The following PLXDC1 variants were observed in gnomAD, a reference collection of about 807,000 sequenced individuals.
PLXDC1 encodes plexin domain-containing protein 1.
PLXDC1 carries 39 observed loss-of-function variants against 61.3 expected under a neutral mutation model. The observed-to-expected ratio is 0.64, with a 90% CI of 0.49 to 0.83. The LOEUF (loss-of-function observed/expected upper bound fraction) is 0.83, where lower values mean the gene tolerates loss of function less well. Ranked by LOEUF, PLXDC1 falls within the 40% of genes least tolerant of loss-of-function variation. The probability of loss-of-function intolerance (pLI) is 0.00; values close to 1 mark genes in which losing one functional copy is unlikely to be tolerated. For missense variants in PLXDC1, 596 were observed against 666.5 expected (o/e 0.89, Z 1.17); for synonymous variants, 212 against 254.5 (o/e 0.83, Z 1.59).
chr17:39,076,508 CAAA>C (rs34943653), intron 11 of PLXDC1, among the ~76,000 whole-genome samples: 6 of 85,096 alleles, frequency 7.1e-5, no homozygotes, highest in Admixed American at 2.7e-4. Flanking sequence ...GACCCTGTCT[CAAA>C]AAAAAAAAAA....
intron 7 of PLXDC1, among the ~76,000 whole-genome samples, chr17:39,095,042 A>G (rs1046224763): frequency 6.6e-6 from 1 of 152,198 alleles, no homozygotes; most frequent in African/African-American, 2.4e-5. Flanking sequence ...GGATAGAGAC[A>G]CAAGTGGCAG....
At chr17:39,087,521 C>T (rs1230801931) in intron 8 of PLXDC1, 86 bp downstream of exon 8, 2 of 1,050,820 alleles carry the variant, frequency 1.9e-6, no homozygotes, top group Non-Finnish European at 2.9e-6. Context: ...CTGCACAAAA[C>T]AGGAGTCAGT....
intron 10 of PLXDC1, among the ~76,000 whole-genome samples, chr17:39,078,792 G>C (rs1206741967): frequency 6.6e-6 from 1 of 152,202 alleles, no homozygotes. Flanking sequence ...CAGTCTCCCA[G>C]AGGAGCCAGC....
chr17:39,136,967 T>C (rs1911774251), intron 2 of PLXDC1, among the ~76,000 whole-genome samples: 1 of 152,094 alleles, frequency 6.6e-6, no homozygotes. Flanking sequence ...TGAGGAATTG[T>C]AGAAAGGAGA....
chr17:39,114,830 C>T (rs969557225), intron 2 of PLXDC1, among the ~76,000 whole-genome samples: 2 of 152,172 alleles, frequency 1.3e-5, no homozygotes, highest in African/African-American at 2.4e-5. Context: ...CTTTGAGGCT[C>T]GGAGAAAGGT....
chr17:39,112,457 CTTTTTT>C (rs11448360), intron 2 of PLXDC1, among the ~76,000 whole-genome samples: 2 of 121,112 alleles, frequency 1.7e-5, no homozygotes, highest in South Asian at 5.2e-4. Flanking sequence ...TTTTTTCTTT[CTTTTTT>C]TTTTTTTTTT....
At chr17:39,142,565 G>A (rs1476825077) in intron 1 of PLXDC1, among the ~76,000 whole-genome samples, 1 of 152,212 alleles carries the variant, frequency 6.6e-6, no homozygotes, top group Non-Finnish European at 1.5e-5. Context: ...CTAGCATGCA[G>A]GCTGGAGTGC....
intron 2 of PLXDC1, among the ~76,000 whole-genome samples, chr17:39,122,378 CAAAAAAAAAAAAAAAAAA>C (rs71141762): frequency 2.7e-5 from 1 of 36,522 alleles, no homozygotes; most frequent in African/African-American, 1.1e-4. Flanking sequence ...GACTCTGTCT[CAAAAAAAAAAAAAAAAAA>C]AAAAAAAAGA....
chr17:39,128,151 GTGTATA>G (rs796779555), intron 2 of PLXDC1, among the ~76,000 whole-genome samples: 794 of 27,428 alleles, frequency 0.029, 70 homozygotes, highest in African/African-American at 0.12. Flanking sequence ...ATATATATGT[GTGTATA>G]TATATGTATA....
chr17:39,088,920 GC>G (rs1909839273), intron 7 of PLXDC1, among the ~76,000 whole-genome samples: 1 of 116,252 alleles, frequency 8.6e-6, no homozygotes, highest in Admixed American at 1.2e-4. Flanking sequence ...CTGCACTCCA[GC>G]CTGGGTGACA....
chr17:39,069,890 T>G lies in PLXDC1; in HGVS notation c.1349A>C (p.His450Pro). 6.2e-7 allele frequency: 1 copy of G among 1,613,692 alleles called. No individual in the cohort carries two copies. The change falls in exon 13 of 14, where the codon CAC (histidine) becomes CCC (proline). Residue 450 changes from histidine (H) to proline (P), a missense_variant. Transcript: ENST00000315392. ...GAAGAGCGCAGCATTGGATGTGGGG[T>G]GGCCATTGATGTAAATTCCAGCCAG... ...IILAGIYING[H>P]PTSNAALFFI... is the part of the protein sequence containing the mutation.
At chr17:39,134,683 C>T (rs1911683710) in intron 2 of PLXDC1, among the ~76,000 whole-genome samples, 2 of 151,286 alleles carry the variant, frequency 1.3e-5, no homozygotes, top group Non-Finnish European at 3.0e-5. Context: ...AAGAAAACAA[C>T]CACATCTAGA....
chr17:39,093,991 C>T (rs2143548049), intron 7 of PLXDC1, among the ~76,000 whole-genome samples: 1 of 152,316 alleles, frequency 6.6e-6, no homozygotes, highest in East Asian at 1.9e-4. Context: ...CACATGAGCA[C>T]ATACTCATAT....
At chr17:39,150,170 G>A (rs1240572218) in intron 1 of PLXDC1, among the ~76,000 whole-genome samples, 1 of 151,996 alleles carries the variant, frequency 6.6e-6, no homozygotes, top group African/African-American at 2.4e-5. Flanking sequence ...GAAAATTGGT[G>A]GTTCTCACCA....
At chr17:39,095,639 T>C (rs1910160137) in intron 7 of PLXDC1, among the ~76,000 whole-genome samples, 2 of 152,036 alleles carry the variant, frequency 1.3e-5, no homozygotes, top group African/African-American at 2.4e-5. Flanking sequence ...TGTCTTTTTT[T>C]TTTGGCGGGG....
At chr17:39,087,791 G>GTC in intron 7 of PLXDC1, 89 bp from the exon 8 acceptor site, 1 of 902,768 alleles carries the variant, frequency 1.1e-6, no homozygotes, top group Non-Finnish European at 1.8e-6. Flanking sequence ...AGGTCAGCCT[G>GTC]CTGCACTGAA....
At chr17:39,118,668 G>A (rs1314935745) in intron 2 of PLXDC1, among the ~76,000 whole-genome samples, 1 of 152,176 alleles carries the variant, frequency 6.6e-6, no homozygotes, top group Non-Finnish European at 1.5e-5. Context: ...CGTAGGCCCT[G>A]CTGAGTTGAC....
intron 6 of PLXDC1, among the ~76,000 whole-genome samples, 162 bp downstream of exon 6, chr17:39,107,239 TCCGCAA>T (rs1910626648): frequency 6.6e-6 from 1 of 152,306 alleles, no homozygotes; most frequent in Admixed American, 6.5e-5. Flanking sequence ...ATTGTCCACC[TCCGCAA>T]CCAGACTTAC....
chr17:39,094,240 C>T lies in PLXDC1; in HGVS notation c.812-6538G>A, dbSNP rs551510090. ...ATGAGGATGGAAAGTTTGAAGCAGA[C>T]TTTCACACACCATCCCCACTCATTA... On this transcript the variant is annotated intron_variant, in intron 7 of 13. Transcript: ENST00000315392. Among the ~76,000 whole-genome samples, 3 of 152,202 alleles carry T rather than the reference C, an allele frequency of 2.0e-5. No individual in the cohort carries two copies. In the South Asian group the frequency reaches 6.2e-4, roughly 32 times the overall value.
Sources: allele counts gnomAD v4.1 joint callset (sites outside exome capture counted in the v4.1 genomes callset), GRCh38; gene constraint gnomAD v4.1.1; transcripts MANE v1.5; gene names NCBI Gene and HGNC (gene_info 2026-07-23, HGNC 2026-07-21).